The following CNTN5 variants were observed in gnomAD, a reference collection of about 807,000 sequenced individuals.
CNTN5 encodes contactin 5, also known as contactin-5.
A neutral mutation model predicts 129.1 loss-of-function variants in CNTN5; 77 were observed. The observed-to-expected ratio is 0.60, with a 90% CI of 0.50 to 0.72. The LOEUF (loss-of-function observed/expected upper bound fraction) is 0.72. CNTN5 is among the 30% of genes least tolerant of loss of function. The probability of loss-of-function intolerance (pLI) is 0.00; values close to 1 mark genes in which losing one functional copy is unlikely to be tolerated. For synonymous variants in CNTN5, 509 were observed against 465.6 expected (o/e 1.09, Z -1.20); for missense variants, 1,478 against 1,328.8 (o/e 1.11, Z -1.75).
chr11:100,083,777 A>C (rs2137946685), intron 13 of CNTN5, among the ~76,000 whole-genome samples: 1 of 152,282 alleles, frequency 6.6e-6, no homozygotes, highest in African/African-American at 2.4e-5. Flanking sequence ...TAAACACTTC[A>C]GGAACTCTCA....
At chr11:99,771,739 G>T (rs1294650163) in intron 3 of CNTN5, among the ~76,000 whole-genome samples, 1 of 151,888 alleles carries the variant, frequency 6.6e-6, no homozygotes, top group African/African-American at 2.4e-5. Context: ...TGTCAAGTAA[G>T]GTTAATAATG....
At chr11:99,642,770 G>C (rs1951817894) in intron 3 of CNTN5, among the ~76,000 whole-genome samples, 1 of 152,018 alleles carries the variant, frequency 6.6e-6, no homozygotes, top group Non-Finnish European at 1.5e-5. Flanking sequence ...TACCCTCTCA[G>C]CCTCTGGTAA....
intron 4 of CNTN5, among the ~76,000 whole-genome samples, chr11:99,838,086 A>G (rs763755857): frequency 2.6e-5 from 4 of 152,160 alleles, no homozygotes; most frequent in Admixed American, 6.6e-5. Flanking sequence ...AAGTATGTCT[A>G]TTATGGAGTA....
Position 99,163,992 on chromosome 11 carries a change from T to A in CNTN5, c.-210+142722T>A, listed in dbSNP as rs138072267. The stretch of plus-strand genomic sequence containing the variant: ...ATGACTTTAAAAAGCTCAGCTGACT[T>A]ATCTGATTAATATGATTGATATAAA... On this transcript the variant is annotated intron_variant, in intron 1 of 24. Coordinates refer to ENST00000524871, the MANE Select transcript of CNTN5 (RefSeq NM_014361.4). Among the ~76,000 whole-genome samples, 34 of 152,296 alleles carry A rather than the reference T, an allele frequency of 2.2e-4. No homozygotes were observed. In the East Asian group the frequency reaches 6.6e-3, roughly 29 times the overall value.
At chr11:99,378,006 C>G (rs1175801133) in intron 2 of CNTN5, among the ~76,000 whole-genome samples, 3 of 152,048 alleles carry the variant, frequency 2.0e-5, no homozygotes, top group Admixed American at 6.5e-5. Flanking sequence ...TAGTGAGTTC[C>G]TAGATGGTTT....
At chr11:100,189,492 T>C (rs1195171004) in intron 13 of CNTN5, among the ~76,000 whole-genome samples, 1 of 152,158 alleles carries the variant, frequency 6.6e-6, no homozygotes, top group Non-Finnish European at 1.5e-5. Context: ...ACTTCTTACC[T>C]GCTAGATGAG....
intron 9 of CNTN5, among the ~76,000 whole-genome samples, chr11:100,005,475 C>T (rs554220546): frequency 9.2e-5 from 14 of 152,280 alleles, no homozygotes; most frequent in South Asian, 2.1e-4. Context: ...ATCATGACAT[C>T]TACCTTCTTA....
At chr11:99,753,235 G>C (rs950428862) in intron 3 of CNTN5, among the ~76,000 whole-genome samples, 2 of 141,594 alleles carry the variant, frequency 1.4e-5, no homozygotes, top group African/African-American at 5.3e-5. Context: ...CCATTCTCCT[G>C]CCTCAGCCTC....
chr11:99,041,976 C>G (rs1201204552), intron 1 of CNTN5, among the ~76,000 whole-genome samples: 1 of 152,124 alleles, frequency 6.6e-6, no homozygotes, highest in African/African-American at 2.4e-5. Context: ...AACATTACTT[C>G]CTCTCTCTTC....
chr11:100,348,556 T>G (rs1952336407), intron 23 of CNTN5, among the ~76,000 whole-genome samples: 1 of 152,026 alleles, frequency 6.6e-6, no homozygotes, highest in Non-Finnish European at 1.5e-5. Context: ...AAATGTAATT[T>G]ATTGAACCAT....
At chr11:99,844,321 C>T (rs1947610845) in intron 4 of CNTN5, among the ~76,000 whole-genome samples, 1 of 152,030 alleles carries the variant, frequency 6.6e-6, no homozygotes, top group Non-Finnish European at 1.5e-5. Flanking sequence ...TACCTTTATG[C>T]ATGTTACATC....
chr11:99,914,203 T>C (rs1188955632), intron 6 of CNTN5, among the ~76,000 whole-genome samples: 1 of 152,044 alleles, frequency 6.6e-6, no homozygotes, highest in Non-Finnish European at 1.5e-5. Context: ...CATCCTGCAC[T>C]CCAGCCTGGG....
chr11:99,046,769 A>G (rs1352461411), intron 1 of CNTN5, among the ~76,000 whole-genome samples: 2 of 152,146 alleles, frequency 1.3e-5, no homozygotes, highest in Non-Finnish European at 2.9e-5. Flanking sequence ...CTTACTAATA[A>G]TGCAATATTG....
chr11:99,839,411 T>TTA (rs200060470), intron 4 of CNTN5, among the ~76,000 whole-genome samples: 8 of 151,894 alleles, frequency 5.3e-5, no homozygotes, highest in East Asian at 1.9e-4. Context: ...GACAAGCGTT[T>TTA]TATATATATA....
At chr11:99,834,207 C>T (rs1404521762) in intron 4 of CNTN5, among the ~76,000 whole-genome samples, 2 of 152,126 alleles carry the variant, frequency 1.3e-5, no homozygotes, top group African/African-American at 2.4e-5. Flanking sequence ...AACACTGGTG[C>T]CTCTCATGAC....
At chr11:99,331,051 T>C (rs56216110) in intron 2 of CNTN5, among the ~76,000 whole-genome samples, 1 of 152,088 alleles carries the variant, frequency 6.6e-6, no homozygotes, top group Non-Finnish European at 1.5e-5. Context: ...TATATTGTGT[T>C]TGTAGACAGG....
chr11:99,310,807 A>G (rs1253754787), intron 1 of CNTN5, among the ~76,000 whole-genome samples: 1 of 152,230 alleles, frequency 6.6e-6, no homozygotes, highest in East Asian at 1.9e-4. Context: ...ATATGAAAAT[A>G]TCACAATTCA....
At chr11:99,911,814 C>T (rs1699657541) in intron 6 of CNTN5, among the ~76,000 whole-genome samples, 1 of 151,382 alleles carries the variant, frequency 6.6e-6, no homozygotes, top group Admixed American at 6.6e-5. Flanking sequence ...CACGTGTTAT[C>T]TTTATGAAGT....
chr11:100,003,341 A>G (rs1212040248), intron 9 of CNTN5, among the ~76,000 whole-genome samples: 1 of 152,306 alleles, frequency 6.6e-6, no homozygotes, highest in Non-Finnish European at 1.5e-5. Context: ...AGTTAAGCGC[A>G]TAAGATTGAA....
Sources: gnomAD v4.1 joint callset for allele counts (sites outside exome capture counted in the v4.1 genomes callset) on GRCh38, gnomAD v4.1.1 for gene constraint, MANE v1.5 for transcripts, NCBI Gene and HGNC (gene_info 2026-07-23, HGNC 2026-07-21) for gene names.